Variants in IPO11 observed in about 807,000 individuals in gnomAD.
The protein encoded by IPO11 is importin 11.
Under a neutral mutation model 143.2 loss-of-function variants are expected in IPO11, and 66 were observed. That is an observed-to-expected ratio of 0.46 (90% CI 0.38 to 0.57). IPO11 has a LOEUF of 0.57. IPO11 is among the 20% of genes least tolerant of loss of function. The pLI, the probability that IPO11 is intolerant of heterozygous loss-of-function variation, is 0.00. For synonymous variants in IPO11, 385 were observed against 377.8 expected, an observed-to-expected ratio of 1.02 and a Z score of -0.22; for missense variants, 1,026 against 1,141.0, an observed-to-expected ratio of 0.90 and a Z score of 1.45.
At chr5:62,626,793 C>A (rs1366161791) in intron 29 of IPO11, among the ~76,000 whole-genome samples, 2 of 152,008 alleles carry the variant, frequency 1.3e-5, no homozygotes, top group Non-Finnish European at 2.9e-5. Context: ...CCTACCCTAC[C>A]CTATCTTCCT....
chr5:62,430,491 T>C (rs549071910), intron 1 of IPO11, among the ~76,000 whole-genome samples: 1 of 151,898 alleles, frequency 6.6e-6, no homozygotes, highest in South Asian at 2.1e-4. Flanking sequence ...TGACTAACTT[T>C]TTCTATTTTT....
chr5:62,532,313 T>C (rs920587113), intron 22 of IPO11, among the ~76,000 whole-genome samples: 2 of 152,150 alleles, frequency 1.3e-5, no homozygotes, highest in African/African-American at 4.8e-5. Context: ...TTTAGGTAAG[T>C]GCTCTAGTGT....
At chr5:62,448,718 T>A (rs941739861) in intron 3 of IPO11, among the ~76,000 whole-genome samples, 1 of 152,104 alleles carries the variant, frequency 6.6e-6, no homozygotes, top group Non-Finnish European at 1.5e-5. Context: ...GTTCTGCTAA[T>A]GTTTTTTAGT....
chr5:62,614,625 A>C (rs1432502257), intron 29 of IPO11, among the ~76,000 whole-genome samples: 2 of 152,176 alleles, frequency 1.3e-5, no homozygotes, highest in African/African-American at 4.8e-5. Context: ...AGGTAGGTGC[A>C]GGAGCCAGGG....
chr5:62,482,239 C>G (rs1434366636), intron 9 of IPO11, among the ~76,000 whole-genome samples: 2 of 152,090 alleles, frequency 1.3e-5, no homozygotes, highest in Non-Finnish European at 2.9e-5. Context: ...AAAACCAGCT[C>G]CTGGATTCAT....
At chr5:62,432,554 C>G (rs1195649238) in intron 1 of IPO11, among the ~76,000 whole-genome samples, 1 of 152,218 alleles carries the variant, frequency 6.6e-6, no homozygotes, top group Non-Finnish European at 1.5e-5. Context: ...GCCACAGATT[C>G]TTACTGTTCC....
At chr5:62,482,555 G>A (rs1746251288) in intron 9 of IPO11, among the ~76,000 whole-genome samples, 1 of 152,076 alleles carries the variant, frequency 6.6e-6, no homozygotes, top group African/African-American at 2.4e-5. Flanking sequence ...TTCCTCAGCA[G>A]CTTTTCTCTT....
Position 62,437,342 on chromosome 5 carries a change from T to C in IPO11, c.63T>C (p.Asp21=). The C allele has an allele frequency of 1.2e-6, 2 of 1,612,966 alleles. No homozygotes were observed. The highest frequency in any genetic ancestry group is 1.3e-5 in the African/African-American group (1 of 75,044). ...TGTTAACACAGGCCACCAGTCAGGA[T>C]ACTGCTGTGTTAAAACCAGCTGAGG... is the stretch of plus-strand genomic sequence containing the variant. ...LQVLTQATSQ[D]TAVLKPAEEQ... Residue 21 remains aspartate, a synonymous_variant, in exon 2 of 30, where the codon GAT becomes GAC. Transcript: ENST00000325324.
chr5:62,475,483 C>G (rs1745925256), intron 8 of IPO11, among the ~76,000 whole-genome samples: 1 of 152,162 alleles, frequency 6.6e-6, no homozygotes, highest in Non-Finnish European at 1.5e-5. Flanking sequence ...TACACTTCAA[C>G]CTGGGTGACA....
At chr5:62,514,602 AC>A (rs1354086795) in intron 19 of IPO11, among the ~76,000 whole-genome samples, 7 of 60,662 alleles carry the variant, frequency 1.2e-4, no homozygotes, top group South Asian at 7.3e-4. Context: ...GGAGAGGGAG[AC>A]GGGAGAGGGA....
intron 11 of IPO11, 29 bp from the exon 12 acceptor site, chr5:62,485,390 A>G (rs747141470): frequency 2.6e-6 from 4 of 1,562,866 alleles, no homozygotes; most frequent in South Asian, 2.2e-5. Context: ...GATGTTGAAA[A>G]TGTCATTATT....
intron 26 of IPO11, among the ~76,000 whole-genome samples, chr5:62,558,241 T>C (rs1446029260): frequency 6.6e-6 from 1 of 152,228 alleles, no homozygotes; most frequent in Non-Finnish European, 1.5e-5. Context: ...TTTTAAGTAT[T>C]GTAAACACAT....
chr5:62,440,101 A>G (rs1234530021), intron 2 of IPO11, among the ~76,000 whole-genome samples: 1 of 152,186 alleles, frequency 6.6e-6, no homozygotes, highest in Non-Finnish European at 1.5e-5. Flanking sequence ...GCACTGTGCT[A>G]GATTCTAGGC....
intron 16 of IPO11, among the ~76,000 whole-genome samples, chr5:62,497,979 C>T (rs1355181395): frequency 1.3e-5 from 2 of 151,682 alleles, no homozygotes; most frequent in East Asian, 1.9e-4. Context: ...GAATTTGTGC[C>T]GTTTCACTGG....
intron 22 of IPO11, among the ~76,000 whole-genome samples, chr5:62,533,816 G>A (rs76108368): frequency 0.025 from 3,756 of 152,122 alleles, 69 homozygotes; most frequent in Non-Finnish European, 0.036. Context: ...AAAGTTAGCC[G>A]GCCTTGGTGG....
intron 1 of IPO11, among the ~76,000 whole-genome samples, chr5:62,423,124 C>G (rs1307931422): frequency 2.6e-5 from 4 of 152,114 alleles, no homozygotes; most frequent in African/African-American, 9.7e-5. Context: ...ATGGACTGTT[C>G]ATACATTCAT....
At chr5:62,542,036 C>T (rs898490469) in intron 24 of IPO11, among the ~76,000 whole-genome samples, 2 of 151,998 alleles carry the variant, frequency 1.3e-5, no homozygotes, top group African/African-American at 4.8e-5. Context: ...CACAACATGA[C>T]AAGACTGCAT....
rs1742749543 is a variant in IPO11, at chr5:62,536,810, A to G, written c.2169+29A>G. ...TGTTGGAGTACTTTTGCATTATATG[A>G]AATTATATAATTATTATTTTGATTA... On this transcript the variant is annotated intron_variant, in intron 23 of 29. Coordinates refer to ENST00000325324, the MANE Select transcript of IPO11 (RefSeq NM_016338.5). 3 of 1,452,148 alleles carry G rather than the reference A, an allele frequency of 2.1e-6. 1 individual carries two copies. In the South Asian group the frequency reaches 4.5e-5, roughly 22 times the overall value. 90.0% of individuals were successfully genotyped at this position (1,452,148 alleles called of 1,614,324 possible).
intron 29 of IPO11, among the ~76,000 whole-genome samples, chr5:62,611,554 G>A (rs372859728): frequency 4.6e-5 from 7 of 152,234 alleles, no homozygotes; most frequent in African/African-American, 1.2e-4. Context: ...GCCTGCTGAC[G>A]TCAGTATTGT....
Sources: allele counts gnomAD v4.1 joint callset (sites outside exome capture counted in the v4.1 genomes callset), GRCh38; gene constraint gnomAD v4.1.1; transcripts MANE v1.5; gene names NCBI Gene and HGNC (gene_info 2026-07-23, HGNC 2026-07-21).